ZMAT4: variants seen among roughly 807,000 people sequenced by gnomAD.
ZMAT4 encodes the protein zinc finger matrin-type protein 4.
ZMAT4 carries 17 observed loss-of-function variants against 28.7 expected under a neutral mutation model. The observed-to-expected ratio is 0.59, with a 90% CI of 0.41 to 0.89. The LOEUF (loss-of-function observed/expected upper bound fraction) is 0.89. Among genes scored for constraint, ZMAT4 ranks in the 40% least tolerant of loss-of-function variants. ZMAT4 has a pLI of 0.00. For missense variants in ZMAT4, 240 were observed against 283.8 expected (o/e 0.85, Z 1.11); for synonymous variants, 117 against 109.2 (o/e 1.07, Z -0.44).
chr8:40,601,619 AAAG>A, intron 5 of ZMAT4, among the ~76,000 whole-genome samples: 1 of 25,796 alleles, frequency 3.9e-5, no homozygotes, highest in South Asian at 1.3e-3. Flanking sequence ...AGAAAGAAAG[AAAG>A]AAAGAAAGAA....
chr8:40,637,106 A>C (rs1229262541), intron 5 of ZMAT4, among the ~76,000 whole-genome samples: 4 of 150,984 alleles, frequency 2.6e-5, no homozygotes, highest in Non-Finnish European at 5.9e-5. Flanking sequence ...AAAAAAAAAA[A>C]CTCTGTGATT....
intron 6 of ZMAT4, among the ~76,000 whole-genome samples, chr8:40,560,544 G>T (rs1381494574): frequency 1.3e-5 from 2 of 151,802 alleles, no homozygotes; most frequent in African/African-American, 2.4e-5. Flanking sequence ...AAAGTTTTGA[G>T]ATTCAAAATG....
At chr8:40,661,284 G>A (rs1808182872) in intron 5 of ZMAT4, among the ~76,000 whole-genome samples, 1 of 152,148 alleles carries the variant, frequency 6.6e-6, no homozygotes, top group Non-Finnish European at 1.5e-5. Flanking sequence ...ATTTTTTGTA[G>A]AAATGGGGTT....
chr8:40,816,153 A>C (rs1256196250), intron 2 of ZMAT4, among the ~76,000 whole-genome samples: 1 of 152,182 alleles, frequency 6.6e-6, no homozygotes, highest in Non-Finnish European at 1.5e-5. Context: ...AGTAAGAAGA[A>C]AACATGCGAT....
intron 1 of ZMAT4, among the ~76,000 whole-genome samples, chr8:40,842,623 G>T (rs967197176): frequency 6.6e-6 from 1 of 152,124 alleles, no homozygotes; most frequent in Non-Finnish European, 1.5e-5. Context: ...ATCCTCACCT[G>T]CCAGTGACAT....
intron 6 of ZMAT4, among the ~76,000 whole-genome samples, chr8:40,540,663 C>A (rs370888571): frequency 9.3e-4 from 141 of 152,320 alleles, no homozygotes; most frequent in African/African-American, 3.2e-3. Context: ...GTCAGAAGTG[C>A]AGGCATCCTG....
chr8:40,613,146 C>T (rs1284601845), intron 5 of ZMAT4, among the ~76,000 whole-genome samples: 1 of 149,912 alleles, frequency 6.7e-6, no homozygotes, highest in African/African-American at 2.5e-5. Context: ...AAATCTTTCA[C>T]CTACCCTTTC....
intron 2 of ZMAT4, chr8:40,808,573 T>C (rs1300634949): frequency 2.3e-6 from 1 of 444,296 alleles, no homozygotes; most frequent in South Asian, 1.6e-5. Context: ...TGCACCACAC[T>C]GCAAAAAAAA....
chr8:40,860,392 T>C (rs1006227590), intron 1 of ZMAT4, among the ~76,000 whole-genome samples: 10 of 152,198 alleles, frequency 6.6e-5, no homozygotes, highest in Non-Finnish European at 1.3e-4. Flanking sequence ...ACATATTGAT[T>C]AAAACAGACA....
At chr8:40,809,296 G>A (rs1283955593) in intron 2 of ZMAT4, among the ~76,000 whole-genome samples, 1 of 26,032 alleles carries the variant, frequency 3.8e-5, no homozygotes, top group African/African-American at 8.4e-5. Flanking sequence ...ACATAAAGAT[G>A]GGATCAACAG....
intron 1 of ZMAT4, among the ~76,000 whole-genome samples, chr8:40,869,350 A>C (rs1817775514): frequency 6.6e-6 from 1 of 152,166 alleles, no homozygotes; most frequent in African/African-American, 2.4e-5. Context: ...TTACACTGAT[A>C]TCTAAGGGGA....
chr8:40,777,025 G>A (rs1456805946), intron 2 of ZMAT4, among the ~76,000 whole-genome samples: 1 of 150,134 alleles, frequency 6.7e-6, no homozygotes, highest in East Asian at 2.0e-4. Context: ...TTTGTTTTGT[G>A]TTTCCAGCTG....
intron 6 of ZMAT4, among the ~76,000 whole-genome samples, chr8:40,532,763 A>G (rs1156743117): frequency 6.6e-6 from 1 of 152,112 alleles, no homozygotes; most frequent in Non-Finnish European, 1.5e-5. Context: ...TTTGGGAGGT[A>G]GAGGTGGGCA....
intron 1 of ZMAT4, among the ~76,000 whole-genome samples, chr8:40,846,931 G>A (rs1056906962): frequency 2.0e-5 from 3 of 152,202 alleles, no homozygotes; most frequent in Non-Finnish European, 4.4e-5. Flanking sequence ...GGAATGCCAG[G>A]CACAGTGGCT....
At chr8:40,839,236 T>C (rs1332773842) in intron 1 of ZMAT4, among the ~76,000 whole-genome samples, 2 of 152,176 alleles carry the variant, frequency 1.3e-5, no homozygotes, top group African/African-American at 4.8e-5. Flanking sequence ...AAAGACCACC[T>C]TCCAGGTCAG....
chr8:40,830,140 A>C (rs113666797), intron 1 of ZMAT4, among the ~76,000 whole-genome samples: 3,924 of 152,292 alleles, frequency 0.026, 162 homozygotes, highest in African/African-American at 0.09. Context: ...AATGCAGGCT[A>C]AAATTCCAGA....
chr8:40,752,958 T>C (rs12546224), intron 3 of ZMAT4, among the ~76,000 whole-genome samples: 15,090 of 152,106 alleles, frequency 0.099, 1,041 homozygotes, highest in Non-Finnish European at 0.15. Flanking sequence ...AAATGTGCCA[T>C]AGTGGTTTGC....
chr8:40,652,731 C>T (rs1489278829), intron 5 of ZMAT4, among the ~76,000 whole-genome samples: 1 of 113,564 alleles, frequency 8.8e-6, no homozygotes, highest in Non-Finnish European at 1.9e-5. Flanking sequence ...AGCACATATA[C>T]ACCATGGAAT....
At chr8:40,752,341 C>T (rs1812485576) in intron 3 of ZMAT4, among the ~76,000 whole-genome samples, 1 of 152,150 alleles carries the variant, frequency 6.6e-6, no homozygotes, top group East Asian at 1.9e-4. Flanking sequence ...CTCCTCTTGT[C>T]ATCAGAGAAG....
Sources: gnomAD v4.1 joint callset for allele counts (sites outside exome capture counted in the v4.1 genomes callset) on GRCh38, gnomAD v4.1.1 for gene constraint, MANE v1.5 for transcripts, NCBI Gene and HGNC (gene_info 2026-07-23, HGNC 2026-07-21) for gene names.